The following TNIK variants were observed in gnomAD, a reference collection of about 807,000 sequenced individuals.
The protein encoded by TNIK is TRAF2 and NCK-interacting protein kinase.
A neutral mutation model predicts 191.3 loss-of-function variants in TNIK; 49 were observed. The observed-to-expected ratio is 0.26, with a 90% CI of 0.20 to 0.32. The LOEUF is 0.32. Among genes scored for constraint, TNIK ranks in the 10% least tolerant of loss-of-function variants. The pLI, the probability that TNIK is intolerant of heterozygous loss-of-function variation, is 1.00. For missense variants in TNIK, 1,155 were observed against 1,702.3 expected, an observed-to-expected ratio of 0.68 and a Z score of 5.66; for synonymous variants, 594 against 600.9, an observed-to-expected ratio of 0.99 and a Z score of 0.17.
At position 171,288,320 on chromosome 3, in the gene TNIK, T is replaced by TA. The variant is rs76914464; in HGVS notation, c.124-60100dup. On this transcript the variant is annotated intron_variant, in intron 2 of 32. Transcript: ENST00000436636. The stretch of plus-strand genomic sequence containing the variant: ...GTACCCTAAAACTTAAAGTATAATT[T>TA]AAAAAAAAAAAAAAAGAAAATATTT... 3.4e-3 allele frequency among the ~76,000 whole-genome samples: 467 copies of TA among 138,548 alleles called. 3 individuals carry two copies. The highest frequency in any genetic ancestry group is 0.023 in the South Asian group (100 of 4,312). The allele number at this position is 138,548 out of a possible 152,430, so 90.9% of individuals were successfully genotyped here. A position where few individuals can be genotyped will look rare whatever the true frequency, so the allele number is the denominator to read the frequency against.
At chr3:171,413,439 G>C (rs1722653626) in intron 1 of TNIK, among the ~76,000 whole-genome samples, 1 of 152,156 alleles carries the variant, frequency 6.6e-6, no homozygotes, top group South Asian at 2.1e-4. Context: ...CTCTCTGCCT[G>C]CTTGTCCCTG....
intron 4 of TNIK, among the ~76,000 whole-genome samples, chr3:171,208,163 AT>A (rs1056221359): frequency 6.6e-6 from 1 of 152,144 alleles, no homozygotes; most frequent in Non-Finnish European, 1.5e-5. Flanking sequence ...AGACAAAAAA[AT>A]AAATAAATTA....
intron 10 of TNIK, among the ~76,000 whole-genome samples, chr3:171,161,922 A>AATAATAAT (rs1402052537): frequency 1.3e-5 from 2 of 152,058 alleles, no homozygotes; most frequent in African/African-American, 4.8e-5. Flanking sequence ...CCTGTCTCAA[A>AATAATAAT]ATAATAATAT....
intron 12 of TNIK, among the ~76,000 whole-genome samples, chr3:171,143,433 G>A (rs1446861636): frequency 6.6e-6 from 1 of 152,196 alleles, no homozygotes; most frequent in Non-Finnish European, 1.5e-5. Context: ...GCCAGTGCTT[G>A]ATTTCTGCTG....
intron 18 of TNIK, 41 bp from the exon 19 acceptor site, chr3:171,110,918 C>G: frequency 6.6e-7 from 1 of 1,519,466 alleles, no homozygotes. Flanking sequence ...CTCTCCAGAC[C>G]TTGCCAGTTT....
chr3:171,421,723 A>ATTTT (rs1723824613), intron 1 of TNIK, among the ~76,000 whole-genome samples: 3 of 116,636 alleles, frequency 2.6e-5, no homozygotes, highest in African/African-American at 9.0e-5. Flanking sequence ...TTAGTTGTGT[A>ATTTT]ATTTTTTTTT....
intron 3 of TNIK, among the ~76,000 whole-genome samples, chr3:171,220,192 T>C (rs187624180): frequency 6.6e-6 from 1 of 151,826 alleles, no homozygotes; most frequent in Non-Finnish European, 1.5e-5. Context: ...AGTTGAACAA[T>C]GAGAACGCAA....
intron 2 of TNIK, among the ~76,000 whole-genome samples, chr3:171,351,271 A>ATGTGTGTGTGTGTGTGTGTG (rs1335605618): frequency 4.0e-5 from 6 of 150,360 alleles, no homozygotes; most frequent in African/African-American, 1.5e-4. Context: ...ATATGTATAT[A>ATGTGTGTGTGTGTGTGTGTG]TGTGTGTGTG....
At chr3:171,342,910 T>G (rs1711524709) in intron 2 of TNIK, among the ~76,000 whole-genome samples, 1 of 152,112 alleles carries the variant, frequency 6.6e-6, no homozygotes, top group Non-Finnish European at 1.5e-5. Flanking sequence ...GTAAGTCTCA[T>G]GAGATCTGAT....
chr3:171,264,272 G>C (rs1279353722), intron 2 of TNIK, among the ~76,000 whole-genome samples: 1 of 151,230 alleles, frequency 6.6e-6, no homozygotes, highest in Non-Finnish European at 1.5e-5. Flanking sequence ...TCTAGGAAAA[G>C]AATTGTATGT....
chr3:171,257,964 G>A (rs996204959), intron 2 of TNIK, among the ~76,000 whole-genome samples: 1 of 152,158 alleles, frequency 6.6e-6, no homozygotes, highest in Admixed American at 6.5e-5. Flanking sequence ...AGCCTTTTAT[G>A]GTTCCTGCAT....
intron 1 of TNIK, among the ~76,000 whole-genome samples, chr3:171,452,729 A>AACACACACACACACACACACACACAC (rs10602125): frequency 1.4e-5 from 2 of 142,548 alleles, no homozygotes; most frequent in African/African-American, 5.1e-5. Flanking sequence ...ACACACTCCA[A>AACACACACACACACACACACACACAC]ACACACACAC....
At chr3:171,178,974 A>G (rs933807710) in intron 7 of TNIK, among the ~76,000 whole-genome samples, 3 of 152,118 alleles carry the variant, frequency 2.0e-5, no homozygotes, top group African/African-American at 7.2e-5. Flanking sequence ...CTCTTCAGTA[A>G]TTGGGCAGAG....
At chr3:171,454,369 T>G (rs1728556469) in intron 1 of TNIK, among the ~76,000 whole-genome samples, 1 of 152,114 alleles carries the variant, frequency 6.6e-6, no homozygotes, top group African/African-American at 2.4e-5. Flanking sequence ...GACTCGAAAT[T>G]ATAAGATATC....
chr3:171,156,124 A>C (rs1733142072), intron 12 of TNIK, among the ~76,000 whole-genome samples: 1 of 152,232 alleles, frequency 6.6e-6, no homozygotes, highest in Admixed American at 6.5e-5. Context: ...TAATCAATAC[A>C]GGAAAAGAGA....
intron 3 of TNIK, among the ~76,000 whole-genome samples, chr3:171,227,287 T>G (rs577151633): frequency 1.3e-5 from 2 of 152,338 alleles, no homozygotes; most frequent in East Asian, 3.9e-4. Flanking sequence ...GCAGAAATTT[T>G]GTTTCATTGT....
intron 8 of TNIK, among the ~76,000 whole-genome samples, chr3:171,175,758 C>T (rs1735880443): frequency 6.6e-6 from 1 of 152,220 alleles, no homozygotes; most frequent in Non-Finnish European, 1.5e-5. Flanking sequence ...CTATTTCTTA[C>T]ACGTCGACAG....
intron 2 of TNIK, among the ~76,000 whole-genome samples, chr3:171,339,237 T>G (rs1285820033): frequency 6.6e-6 from 1 of 152,212 alleles, no homozygotes; most frequent in Non-Finnish European, 1.5e-5. Context: ...CTGTTTGGAC[T>G]AATATGGCCT....
intron 2 of TNIK, among the ~76,000 whole-genome samples, chr3:171,269,303 GAC>G (rs1748804462): frequency 1.3e-5 from 2 of 152,124 alleles, no homozygotes; most frequent in African/African-American, 4.8e-5. Flanking sequence ...ATACCATCCA[GAC>G]ACACAGTTGA....
Sources: gnomAD v4.1 joint callset for allele counts (sites outside exome capture counted in the v4.1 genomes callset) on GRCh38, gnomAD v4.1.1 for gene constraint, MANE v1.5 for transcripts, NCBI Gene and HGNC (gene_info 2026-07-23, HGNC 2026-07-21) for gene names.